Variants in CYLC2 observed in about 807,000 individuals in gnomAD.
CYLC2 encodes cylicin 2, also known as cylicin-2.
In CYLC2, 30 loss-of-function variants were observed where a neutral mutation model predicts 26.1. The ratio of observed to expected loss-of-function variants is 1.15; its 90% CI spans 0.86 to 1.56. CYLC2 has a LOEUF of 1.56. CYLC2 is among the 40% of genes most tolerant of loss of function. The probability of loss-of-function intolerance (pLI) is 0.00; values close to 1 mark genes in which losing one functional copy is unlikely to be tolerated. For missense variants in CYLC2, 498 were observed against 394.4 expected (o/e 1.26, Z -2.23); for synonymous variants, 158 against 132.8 (o/e 1.19, Z -1.31).
chr9:103,012,590 T>G (rs1329163840), intron 6 of CYLC2, among the ~76,000 whole-genome samples: 2 of 151,916 alleles, frequency 1.3e-5, no homozygotes, highest in African/African-American at 4.8e-5. Flanking sequence ...TAAAATAAAA[T>G]TGCTTGTGTA....
intron 6 of CYLC2, among the ~76,000 whole-genome samples, chr9:103,014,144 ATAT>A (rs1021060103): frequency 1.7e-5 from 2 of 119,974 alleles, no homozygotes; most frequent in Admixed American, 9.5e-5. Context: ...TATATTAAAT[ATAT>A]TATTTAATAT....
chr9:102,996,098 T>C (rs1829234317), intron 1 of CYLC2, among the ~76,000 whole-genome samples: 1 of 151,842 alleles, frequency 6.6e-6, no homozygotes, highest in African/African-American at 2.4e-5. Context: ...GGGTGGGCCT[T>C]AATTTAGCAG....
intron 1 of CYLC2, among the ~76,000 whole-genome samples, chr9:102,997,242 A>G (rs1278706185): frequency 6.6e-6 from 1 of 151,858 alleles, no homozygotes; most frequent in Non-Finnish European, 1.5e-5. Context: ...GTCCATTGTA[A>G]GATGCATTAT....
rs538248694 is a variant in CYLC2 at position 103,014,552 on chromosome 9, A to C, written c.*817-2336A>C. Among the ~76,000 whole-genome samples, 8 of 141,418 alleles carry C rather than the reference A, an allele frequency of 5.7e-5. 2 individuals carry two copies. The South Asian group carries it at 1.8e-3, about 31-fold the overall frequency. 92.8% of individuals were successfully genotyped at this position (141,418 alleles called of 152,430 possible). Reference sequence around the variant, plus strand: ...AATATACATCATATGTATATTATGCAGTATACATCATATGTATATTATGCA... The same window carrying C: ...AATATACATCATATGTATATTATGCCGTATACATCATATGTATATTATGCA... On this transcript the variant is annotated intron_variant, in intron 6 of 7. Transcript: ENST00000374798.
In CYLC2 at chr9:103,005,901, T is replaced by A. The variant is rs1214771500; in HGVS notation, c.*223T>A. The stretch of plus-strand genomic sequence containing the variant: ...TTAAGGGGGGATCCATTGAAAGACT[T>A]GAAGAATACATATACTTATATTCGG... On this transcript the variant is annotated 3_prime_UTR_variant, in exon 5 of 8. Coordinates refer to ENST00000374798, the MANE Select transcript of CYLC2 (RefSeq NM_001340.5). 5 of 505,228 alleles carry A rather than the reference T, an allele frequency of 9.9e-6. No individual in the cohort carries two copies. The highest frequency in any genetic ancestry group is 1.7e-5 in the Non-Finnish European group (5 of 289,878). 31.3% of individuals were successfully genotyped at this position (505,228 alleles called of 1,614,324 possible).
intron 6 of CYLC2, among the ~76,000 whole-genome samples, chr9:103,014,731 C>G (rs1829474372): frequency 2.2e-5 from 2 of 90,904 alleles, no homozygotes; most frequent in African/African-American, 8.5e-5. Context: ...ATGTAATATA[C>G]GTATGTATAT....
intron 1 of CYLC2, among the ~76,000 whole-genome samples, chr9:102,995,874 G>A (rs1283680358): frequency 6.6e-6 from 1 of 151,744 alleles, no homozygotes; most frequent in Non-Finnish European, 1.5e-5. Context: ...GAATACTAGT[G>A]GTATCCCTCT....
At chr9:103,013,458 T>G (rs1829440919) in intron 6 of CYLC2, among the ~76,000 whole-genome samples, 1 of 102,714 alleles carries the variant, frequency 9.7e-6, no homozygotes, top group African/African-American at 4.2e-5. Context: ...TATATTTATC[T>G]ATTATATATT....
chr9:103,003,497 C>A (rs1587851380), intron 3 of CYLC2, among the ~76,000 whole-genome samples: 1 of 151,986 alleles, frequency 6.6e-6, no homozygotes, highest in Admixed American at 6.6e-5. Context: ...GAGGCTAGTG[C>A]AACTAAGGAA....
At chr9:102,998,004 T>C (rs1168299298) in intron 1 of CYLC2, among the ~76,000 whole-genome samples, 1 of 151,988 alleles carries the variant, frequency 6.6e-6, no homozygotes, top group African/African-American at 2.4e-5. Context: ...TTTCAAAGTT[T>C]CAAATACATT....
intron 1 of CYLC2, among the ~76,000 whole-genome samples, chr9:102,999,074 A>G (rs922860504): frequency 1.3e-5 from 2 of 151,860 alleles, no homozygotes; most frequent in African/African-American, 4.8e-5. Context: ...ATTGCTATGA[A>G]CATTTTTGTC....
At chr9:103,002,215 C>G (rs1250136572) in intron 2 of CYLC2, among the ~76,000 whole-genome samples, 1 of 152,106 alleles carries the variant, frequency 6.6e-6, no homozygotes, top group Non-Finnish European at 1.5e-5. Flanking sequence ...TCATTGGCAA[C>G]TTAAATAACT....
chr9:103,016,119 G>A (rs993347772), intron 6 of CYLC2, among the ~76,000 whole-genome samples: 1 of 151,482 alleles, frequency 6.6e-6, no homozygotes, highest in Non-Finnish European at 1.5e-5. Flanking sequence ...ACACATTTAT[G>A]TCTCAGATAT....
chr9:103,000,206 T>A (rs1451646366), intron 1 of CYLC2, among the ~76,000 whole-genome samples: 4 of 151,948 alleles, frequency 2.6e-5, no homozygotes, highest in Non-Finnish European at 4.4e-5. Flanking sequence ...GGACCACTGG[T>A]TCTTTAAAAG....
At chr9:103,010,576 T>C (rs1829396660) in intron 5 of CYLC2, 1 of 152,108 alleles carries the variant, frequency 6.6e-6, no homozygotes, top group African/African-American at 2.4e-5. Flanking sequence ...AGTGTAATTG[T>C]TTGTGGATTT....
At chr9:103,003,067 TTGCACGTAA>T in intron 2 of CYLC2, 66 bp from the exon 3 acceptor site, 6 of 1,559,060 alleles carry the variant, frequency 3.8e-6, no homozygotes, top group Non-Finnish European at 5.2e-6. Context: ...ATGATATACG[TTGCACGTAA>T]TGCCATTTCA....
rs776739143 is a variant in CYLC2 at position 103,003,229 on chromosome 9, C to A, written c.146C>A (p.Ser49Ter). ...CAACGGCCAGGAACCAAAAGGAGATCAAAACCTTCTCAAATACGGGACAAC... is the reference window on the plus strand; with the variant it reads ...CAACGGCCAGGAACCAAAAGGAGATAAAAACCTTCTCAAATACGGGACAAC... ...KPQRPGTKRR[S>*]KPSQIRDNTV... Residue 49 changes from serine (S) to a stop codon, truncating the protein, a stop_gained, in exon 3 of 8, where the codon TCA becomes TAA. Transcript: ENST00000374798. LOFTEE classifies it high-confidence loss of function. 6.2e-7 allele frequency: 1 copy of A among 1,613,768 alleles called. No individual in the cohort carries two copies. The highest frequency in any genetic ancestry group is 8.5e-7 in the Non-Finnish European group (1 of 1,179,828).
chr9:103,012,092 T>A lies in CYLC2; in HGVS notation c.*811T>A, dbSNP rs775854348. 1 of 151,528 alleles carries A rather than the reference T, an allele frequency of 6.6e-6. No homozygotes were observed. The highest frequency in any genetic ancestry group is 2.4e-5 in the African/African-American group (1 of 41,250). 9.4% of individuals were successfully genotyped at this position (151,528 alleles called of 1,614,324 possible). A position where few individuals can be genotyped will look rare whatever the true frequency, so the allele number is the denominator to read the frequency against. On this transcript the variant is annotated 3_prime_UTR_variant, in exon 6 of 8. Coordinates refer to ENST00000374798, the MANE Select transcript of CYLC2 (RefSeq NM_001340.5). ...GCCTCAGCCTCTCTGGTAGCTGGGATTACAGGTATGCATCACCACATCCAG... is the reference window on the plus strand; with the variant it reads ...GCCTCAGCCTCTCTGGTAGCTGGGAATACAGGTATGCATCACCACATCCAG...
chr9:103,004,933 T>TC (rs768863197), intron 4 of CYLC2, 36 bp from the exon 5 acceptor site: 23 of 1,575,268 alleles, frequency 1.5e-5, no homozygotes, highest in South Asian at 4.7e-5. Context: ...GTTTGGATTT[T>TC]CCCATTTTAA....
Sources: gnomAD v4.1 joint callset for allele counts (sites outside exome capture counted in the v4.1 genomes callset) on GRCh38, gnomAD v4.1.1 for gene constraint, MANE v1.5 for transcripts, NCBI Gene and HGNC (gene_info 2026-07-23, HGNC 2026-07-21) for gene names.